SAMMSON: variants seen among roughly 807,000 people sequenced by gnomAD.
The protein encoded by SAMMSON is long intergenic non-protein coding RNA 1212.
At chr3:70,214,980 C>G (rs1211016085) in intron 4 of SAMMSON, among the ~76,000 whole-genome samples, 1 of 152,066 alleles carries the variant, frequency 6.6e-6, no homozygotes, top group African/African-American at 2.4e-5. Context: ...AGGCTATAAA[C>G]TCATGCATGA....
chr3:70,273,576 TA>T (rs749527162), intron 6 of SAMMSON, among the ~76,000 whole-genome samples: 1 of 151,990 alleles, frequency 6.6e-6, no homozygotes, highest in Non-Finnish European at 1.5e-5. Context: ...ATGAGGACAT[TA>T]AAAAAAAGAA....
intron 4 of SAMMSON, among the ~76,000 whole-genome samples, chr3:70,167,686 A>C (rs147214423): frequency 3.3e-5 from 5 of 151,962 alleles, no homozygotes; most frequent in African/African-American, 1.2e-4. Context: ...TCTTGCTAGC[A>C]CAAAGAGCGT....
Position 70,047,556 on chromosome 3 carries a change from G to A in SAMMSON, n.418-23920G>A, listed in dbSNP as rs116921914. ...TTCACCATGTTGTCTGGCTGGTCTC[G>A]AACTCCTAATCTCGTGATCTGCCCA... On this transcript the variant is annotated intron_variant and non_coding_transcript_variant, in intron 3 of 9. Coordinates refer to ENST00000642114, the Ensembl canonical transcript of SAMMSON. Among the ~76,000 whole-genome samples the A allele has an allele frequency of 1.5e-4, 23 of 151,962 alleles. No individual in the cohort carries two copies. The South Asian group carries it at 4.8e-3, about 32-fold the overall frequency.
intron 1 of SAMMSON, among the ~76,000 whole-genome samples, chr3:70,008,141 T>A (rs1484165749): frequency 6.6e-6 from 1 of 152,138 alleles, no homozygotes; most frequent in Non-Finnish European, 1.5e-5. Context: ...TCTTTTTTGG[T>A]TCCATATGAA....
intron 4 of SAMMSON, among the ~76,000 whole-genome samples, chr3:70,146,778 C>G (rs190368898): frequency 6.6e-6 from 1 of 152,080 alleles, no homozygotes; most frequent in East Asian, 1.9e-4. Context: ...TGTACACTTT[C>G]CTCACTCTTA....
chr3:70,131,096 A>G (rs577251135), intron 4 of SAMMSON, among the ~76,000 whole-genome samples: 2 of 152,318 alleles, frequency 1.3e-5, no homozygotes, highest in Admixed American at 1.3e-4. Context: ...AGTAACAGAA[A>G]CTTAACTCAA....
intron 4 of SAMMSON, among the ~76,000 whole-genome samples, chr3:70,240,290 G>GA (rs899409180): frequency 5.3e-5 from 8 of 150,386 alleles, no homozygotes; most frequent in South Asian, 2.1e-4. Flanking sequence ...TCATCTTGGG[G>GA]AAAAAAAACA....
At chr3:70,116,062 A>G (rs1356473775) in intron 4 of SAMMSON, among the ~76,000 whole-genome samples, 1 of 152,150 alleles carries the variant, frequency 6.6e-6, no homozygotes, top group Non-Finnish European at 1.5e-5. Context: ...TCATTGCAAA[A>G]GTTTTGCACA....
chr3:70,002,453 CAG>C (rs1369848145), intron 1 of SAMMSON, among the ~76,000 whole-genome samples: 1 of 152,104 alleles, frequency 6.6e-6, no homozygotes, highest in Non-Finnish European at 1.5e-5. Context: ...TTAGAAAACT[CAG>C]AGAATATATA....
intron 1 of SAMMSON, among the ~76,000 whole-genome samples, chr3:70,009,476 T>C (rs1288434575): frequency 6.6e-6 from 1 of 152,200 alleles, no homozygotes; most frequent in African/African-American, 2.4e-5. Flanking sequence ...GTGGGATCGG[T>C]GGTGATATCC....
chr3:70,061,793 T>TTACC (rs746039455), intron 3 of SAMMSON, among the ~76,000 whole-genome samples: 34 of 152,186 alleles, frequency 2.2e-4, no homozygotes, highest in Non-Finnish European at 4.3e-4. Context: ...GCATCTCTGG[T>TTACC]TACCCTCTCA....
chr3:70,022,426 C>CAAAAAAAAAAAAAA (rs60455629), intron 3 of SAMMSON, among the ~76,000 whole-genome samples: 14 of 91,114 alleles, frequency 1.5e-4, no homozygotes, highest in Admixed American at 2.4e-4. Context: ...AGTATAATAA[C>CAAAAAAAAAAAAAA]AAAAAAAAAA....
intron 2 of SAMMSON, among the ~76,000 whole-genome samples, chr3:70,418,237 G>A (rs1042628658): frequency 6.6e-6 from 1 of 152,168 alleles, no homozygotes; most frequent in Non-Finnish European, 1.5e-5. Flanking sequence ...GTAACGTAAT[G>A]TCTGTTCAAG....
intron 3 of SAMMSON, among the ~76,000 whole-genome samples, chr3:70,058,958 G>A (rs1398493510): frequency 5.9e-5 from 9 of 151,952 alleles, no homozygotes; most frequent in Admixed American, 4.6e-4. Context: ...TCTTGTCAGC[G>A]GGAAGGTATT....
intron 4 of SAMMSON, among the ~76,000 whole-genome samples, chr3:70,111,268 A>G (rs2067388012): frequency 6.6e-6 from 1 of 152,204 alleles, no homozygotes; most frequent in Admixed American, 6.5e-5. Context: ...AACAAATGAA[A>G]CACTTTTTAA....
At chr3:70,071,196 A>G (rs2067228104) in intron 3 of SAMMSON, among the ~76,000 whole-genome samples, 1 of 151,998 alleles carries the variant, frequency 6.6e-6, no homozygotes, top group African/African-American at 2.4e-5. Flanking sequence ...ATCACAGTGC[A>G]TCCATTTATA....
chr3:70,030,662 T>C (rs1175133330), intron 3 of SAMMSON: 1 of 152,142 alleles, frequency 6.6e-6, no homozygotes, highest in African/African-American at 2.4e-5. Context: ...TAAGCATGTG[T>C]TTGTCTAACA....
At chr3:70,272,232 AT>A (rs1331534692) in intron 6 of SAMMSON, 1 of 152,236 alleles carries the variant, frequency 6.6e-6, no homozygotes, top group Non-Finnish European at 1.5e-5. Context: ...CACAATTAAA[AT>A]GAAAAATATT....
chr3:70,305,220 CT>C (rs979978580), intron 7 of SAMMSON, among the ~76,000 whole-genome samples: 2 of 151,520 alleles, frequency 1.3e-5, no homozygotes, highest in Non-Finnish European at 2.9e-5. Context: ...ATTTTCACAT[CT>C]TTTTTTTTCC....
Sources: gnomAD v4.1 joint callset for allele counts (sites outside exome capture counted in the v4.1 genomes callset) on GRCh38, gnomAD v4.1.1 for gene constraint, MANE v1.5 for transcripts, NCBI Gene and HGNC (gene_info 2026-07-23, HGNC 2026-07-21) for gene names.